Variants in PTPN14 observed in about 807,000 individuals in gnomAD.
PTPN14 encodes the protein tyrosine-protein phosphatase non-receptor type 14.
A neutral mutation model predicts 126.8 loss-of-function variants in PTPN14; 53 were observed. That is an observed-to-expected ratio of 0.42 (90% CI 0.34 to 0.53). The LOEUF is 0.53. Ranked by LOEUF, PTPN14 falls within the 20% of genes least tolerant of loss-of-function variation. The pLI, the probability that PTPN14 is intolerant of heterozygous loss-of-function variation, is 0.08. For missense variants in PTPN14, 1,257 were observed against 1,552.9 expected (o/e 0.81, Z 3.20); for synonymous variants, 630 against 599.3 (o/e 1.05, Z -0.75).
At chr1:214,450,687 G>C (rs1660254920) in intron 3 of PTPN14, among the ~76,000 whole-genome samples, 1 of 152,152 alleles carries the variant, frequency 6.6e-6, no homozygotes, top group African/African-American at 2.4e-5. Flanking sequence ...AAGGCAAAAA[G>C]TAAAGGGTTT....
chr1:214,498,958 G>A (rs762586645), intron 1 of PTPN14, among the ~76,000 whole-genome samples: 1 of 152,008 alleles, frequency 6.6e-6, no homozygotes, highest in Non-Finnish European at 1.5e-5. Context: ...ACAGGTATGC[G>A]CCACCACCCT....
At chr1:214,431,301 A>G (rs1659791891) in intron 3 of PTPN14, among the ~76,000 whole-genome samples, 1 of 152,238 alleles carries the variant, frequency 6.6e-6, no homozygotes, top group Non-Finnish European at 1.5e-5. Context: ...TAGAGTTGGT[A>G]TGTACACCAC....
Position 214,383,593 on chromosome 1 carries a change from A to T in PTPN14, c.2262T>A (p.Gly754=). 1.2e-6 allele frequency: 2 copies of T among 1,613,426 alleles called. No homozygotes were observed. The highest frequency in any genetic ancestry group is 1.7e-6 in the Non-Finnish European group (2 of 1,179,882). Residue 754 remains glycine (G), a synonymous_variant, in exon 13 of 19, where the codon GGT becomes GGA. Transcript: ENST00000366956. This position sits in a 1 kb window ranked among gnomAD's most constrained non-coding sequence, Gnocchi z 4.4. ...CCCCATTGCTCACACTCTTCCTTGG[A>T]CCGGGGTACTCAGGCGGGGGCTTGT... ...IPNKPPPEYP[G]PRKSVSNGAL...
intron 11 of PTPN14, among the ~76,000 whole-genome samples, chr1:214,389,584 C>T (rs549520800): frequency 6.6e-6 from 1 of 152,250 alleles, no homozygotes; most frequent in East Asian, 1.9e-4. Flanking sequence ...ACCTAAAGGA[C>T]AGGGGAAAGG....
chr1:214,383,541 G>T lies in PTPN14; in HGVS notation c.2314C>A (p.Pro772Thr), dbSNP rs901003984. 1.2e-6 allele frequency: 2 copies of T among 1,613,844 alleles called. No individual in the cohort carries two copies. The highest frequency in any genetic ancestry group is 2.7e-5 in the African/African-American group (2 of 74,948). ...GALRQDQASL[P>T]PAMARARVLR... ...ACCCTGGCTCTGGCCATGGCGGGAG[G>T]AAGGCTGGCTTGGTCCTGCCTCAGA... Residue 772 changes from proline to threonine, a missense_variant, in exon 13 of 19, where the codon CCT becomes ACT. Pro to Thr is a conservative substitution (Grantham distance 38). Coordinates refer to ENST00000366956, the MANE Select transcript of PTPN14 (RefSeq NM_005401.5). The surrounding 1 kb of genome is among the most constrained non-coding windows in gnomAD (Gnocchi z 4.4).
At chr1:214,533,648 G>A (rs1351096454) in intron 1 of PTPN14, among the ~76,000 whole-genome samples, 2 of 151,892 alleles carry the variant, frequency 1.3e-5, no homozygotes, top group South Asian at 2.1e-4. Flanking sequence ...TGGCTAACAC[G>A]GTGAAACCCC....
intron 4 of PTPN14, among the ~76,000 whole-genome samples, chr1:214,413,608 A>G (rs1490713013): frequency 6.6e-6 from 1 of 152,216 alleles, no homozygotes; most frequent in Non-Finnish European, 1.5e-5. Context: ...GAAAATGACT[A>G]AAAGGAAAAG....
chr1:214,542,961 T>C (rs914849232), intron 1 of PTPN14, among the ~76,000 whole-genome samples: 2 of 152,128 alleles, frequency 1.3e-5, no homozygotes, highest in African/African-American at 4.8e-5. Context: ...AGAGCCAAGC[T>C]TGTGATTTGG....
intron 2 of PTPN14, among the ~76,000 whole-genome samples, chr1:214,459,149 C>CTTTTT (rs5780785): frequency 1.5e-5 from 2 of 135,808 alleles, no homozygotes; most frequent in Non-Finnish European, 3.1e-5. Flanking sequence ...CTCTTTTCTT[C>CTTTTT]TTTTTTTTTT....
At chr1:214,532,396 C>T in intron 1 of PTPN14, 2 of 668,320 alleles carry the variant, frequency 3.0e-6, no homozygotes, top group Non-Finnish European at 5.3e-6. Context: ...GGGGGCCTGG[C>T]AGGAATAGGA....
chr1:214,430,288 G>A (rs10494975), intron 3 of PTPN14, among the ~76,000 whole-genome samples: 22,133 of 152,100 alleles, frequency 0.15, 1,756 homozygotes, highest in South Asian at 0.27. Flanking sequence ...TATAGCCCCT[G>A]GTCCAGGCTG....
At chr1:214,525,127 TA>T (rs1297828542) in intron 1 of PTPN14, among the ~76,000 whole-genome samples, 1 of 152,154 alleles carries the variant, frequency 6.6e-6, no homozygotes, top group African/African-American at 2.4e-5. Flanking sequence ...GAATCAGCAC[TA>T]AATCTCTGCG....
chr1:214,534,475 A>C (rs373080791), intron 1 of PTPN14, among the ~76,000 whole-genome samples: 2 of 152,190 alleles, frequency 1.3e-5, no homozygotes, highest in African/African-American at 4.8e-5. Context: ...GCACTTTGGG[A>C]GGCCGAGGCG....
chr1:214,414,724 T>C lies in PTPN14; in HGVS notation c.347A>G (p.Tyr116Cys). 2 of 1,610,530 alleles carry C rather than the reference T, an allele frequency of 1.2e-6. No homozygotes were observed. The highest frequency in any genetic ancestry group is 1.7e-6 in the Non-Finnish European group (2 of 1,176,744). ...TTTTTTGACTTGCAGGTAATACTGA[T>C]ATCTGTTCATGGGAATAGAGGAACA... ...VSWLQQEATR[Y>C]QYYLQVKKDV... is the part of the protein sequence containing the mutation. The change falls in exon 4 of 19, where the codon TAT (tyrosine) becomes TGT (cysteine). Residue 116 changes from tyrosine to cysteine, a missense_variant and splice_region_variant. Physicochemically the swap from Tyr to Cys is radical, Grantham distance 194. Around this residue, in one of 3 missense-constraint regions of PTPN14, gnomAD observed 1,021 missense variants for 1,183.3 expected, o/e 0.86. Coordinates refer to ENST00000366956, the MANE Select transcript of PTPN14 (RefSeq NM_005401.5).
intron 18 of PTPN14, among the ~76,000 whole-genome samples, chr1:214,359,263 G>T (rs1657897092): frequency 6.6e-6 from 1 of 150,434 alleles, no homozygotes; most frequent in Non-Finnish European, 1.5e-5. Flanking sequence ...TCCCAGGCTG[G>T]AGTGCAGTGG....
chr1:214,399,345 C>T (rs1244897971), intron 7 of PTPN14, among the ~76,000 whole-genome samples: 1 of 152,160 alleles, frequency 6.6e-6, no homozygotes, highest in African/African-American at 2.4e-5. Flanking sequence ...CCTTTTTTCT[C>T]AATTTGTCAC....
Position 214,384,569 on chromosome 1 carries a change from T to A in PTPN14, c.1286A>T (p.His429Leu). 1 of 1,614,146 alleles carries A rather than the reference T, an allele frequency of 6.2e-7. No homozygotes were observed. The highest frequency in any genetic ancestry group is 1.1e-5 in the South Asian group (1 of 91,076). ...GGGCACGATGATCGCGCTGTGCCGG[T>A]GGCTCGGGATGTAGTCGGCCCGCAT... ...DIMRADYIPS[H>L]RHSAIIVPSY... The change falls in exon 13 of 19, where the codon CAC becomes CTC. Residue 429 changes from histidine (H) to leucine (L), a missense_variant. His to Leu is a moderately conservative substitution (Grantham distance 99, BLOSUM62 -3). Transcript: ENST00000366956. The surrounding 1 kb of genome is among the most constrained non-coding windows in gnomAD (Gnocchi z 5.3).
chr1:214,519,909 T>C (rs1405997521), intron 1 of PTPN14, among the ~76,000 whole-genome samples: 2 of 151,638 alleles, frequency 1.3e-5, no homozygotes, highest in South Asian at 2.1e-4. Flanking sequence ...TAGCTGGGCA[T>C]GGTGGCTAGC....
At chr1:214,488,158 A>C (rs894081660) in intron 1 of PTPN14, among the ~76,000 whole-genome samples, 1 of 152,236 alleles carries the variant, frequency 6.6e-6, no homozygotes, top group African/African-American at 2.4e-5. Context: ...CCAAACTTGA[A>C]TGAAATTTTG....
Sources: gnomAD v4.1 joint callset for allele counts (sites outside exome capture counted in the v4.1 genomes callset) on GRCh38, gnomAD v4.1.1 for gene constraint, gnomAD v4.1.1 regional missense constraint, Gnocchi (gnomAD v3.1) non-coding constraint, MANE v1.5 for transcripts, NCBI Gene and HGNC (gene_info 2026-07-23, HGNC 2026-07-21) for gene names.